TEX15: variants seen among roughly 807,000 people sequenced by gnomAD.
TEX15 encodes the protein testis-expressed protein 15.
TEX15 carries 171 observed loss-of-function variants against 237.3 expected under a neutral mutation model. The observed-to-expected ratio is 0.72, with a 90% CI of 0.64 to 0.82. The LOEUF (loss-of-function observed/expected upper bound fraction) is 0.82. Ranked by LOEUF, TEX15 falls within the 40% of genes least tolerant of loss-of-function variation. The pLI is 0.00. For missense variants in TEX15, 3,750 were observed against 3,646.5 expected (o/e 1.03, Z -0.73); for synonymous variants, 1,338 against 1,269.8 (o/e 1.05, Z -1.14).
intron 4 of TEX15, among the ~76,000 whole-genome samples, chr8:30,869,261 A>T (rs954980629): frequency 2.6e-5 from 4 of 152,058 alleles, no homozygotes; most frequent in Admixed American, 2.6e-4. Context: ...TTTCAGAAAC[A>T]ATAGGTAAAA....
At chr8:30,887,110 G>C in intron 3 of TEX15, 57 bp downstream of exon 3, 1 of 1,401,376 alleles carries the variant, frequency 7.1e-7, no homozygotes, top group South Asian at 1.4e-5. Context: ...CATAAACTAA[G>C]AATCAGAGAA....
chr8:30,887,164 T>C lies in TEX15; in HGVS notation c.136+3A>G, dbSNP rs1808668465. The C allele has an allele frequency of 6.6e-7, 1 of 1,526,388 alleles. No homozygotes were observed. Among genetic ancestry groups the C allele is most frequent in the Non-Finnish European group, 8.7e-7 (1 of 1,144,256 alleles). The allele number at this position is 1,526,388 out of a possible 1,614,324, so 94.6% of individuals were successfully genotyped here. A position where few individuals can be genotyped will look rare whatever the true frequency, so the allele number is the denominator to read the frequency against. Reference sequence around the variant, plus strand: ...AAAAAATTCCCAACCACAGAAATATTACCTTTCTCAGCTGTCCTCCTGATC... The same window carrying C: ...AAAAAATTCCCAACCACAGAAATATCACCTTTCTCAGCTGTCCTCCTGATC... On this transcript the variant is annotated splice_donor_region_variant and intron_variant, in intron 3 of 10. Coordinates refer to ENST00000643185, the MANE Select transcript of TEX15 (RefSeq NM_001350162.2).
intron 3 of TEX15, among the ~76,000 whole-genome samples, chr8:30,881,821 C>T (rs779908389): frequency 6.6e-6 from 1 of 151,962 alleles, no homozygotes; most frequent in South Asian, 2.1e-4. Context: ...AGGGGTTTCA[C>T]TGTGTTGCCC....
intron 6 of TEX15, 37 bp downstream of exon 6, chr8:30,859,874 T>C (rs549613604): frequency 3.7e-6 from 5 of 1,352,844 alleles, no homozygotes; most frequent in Non-Finnish European, 4.7e-6. Context: ...ATGTGAAACA[T>C]GTACTTTTCA....
intron 2 of TEX15, among the ~76,000 whole-genome samples, chr8:30,892,196 G>C (rs1274110023): frequency 6.6e-6 from 1 of 152,090 alleles, no homozygotes; most frequent in East Asian, 1.9e-4. Flanking sequence ...AAAAAATAAA[G>C]GTTTGAGTTT....
chr8:30,837,587 G>A lies in TEX15; in HGVS notation c.8697C>T (p.Phe2899=), dbSNP rs960369273. Residue 2899 remains phenylalanine (F), a synonymous_variant, in exon 10 of 11, where the codon TTC becomes TTT. Transcript: ENST00000643185. The part of the protein sequence containing the change: ...PDASVLSKPI[F]CFVKDVHPDL... ...CAGGATGGACATCTTTCACAAAACA[G>A]AAAATTGGCTTTGAGAGCACCGACG... is the stretch of plus-strand genomic sequence containing the variant. 1 of 1,613,962 alleles carries A rather than the reference G, an allele frequency of 6.2e-7. No individual in the cohort carries two copies.
rs750414097 is a variant in TEX15, at chr8:30,848,732, A to T, written c.1435T>A (p.Ser479Thr). 79 of 1,614,072 alleles carry T rather than the reference A, an allele frequency of 4.9e-5. No individual in the cohort carries two copies. The highest frequency in any genetic ancestry group is 6.3e-5 in the Non-Finnish European group (74 of 1,180,034). The change falls in exon 8 of 11, where the codon TCC becomes ACC. Residue 479 changes from serine (S) to threonine (T), a missense_variant. Ser to Thr is a moderately conservative substitution (Grantham distance 58, BLOSUM62 1). Coordinates refer to ENST00000643185, the MANE Select transcript of TEX15 (RefSeq NM_001350162.2). ...CAATCACCAGGGACAACTTCTGAGG[A>T]GGAGGCAGAATTAGATGGTGTCGAT... ...IKSTPSNSAS[S>T]SEVVPGDCAV...
At chr8:30,853,098 G>C (rs537046615) in intron 7 of TEX15, among the ~76,000 whole-genome samples, 1 of 152,152 alleles carries the variant, frequency 6.6e-6, no homozygotes, top group Non-Finnish European at 1.5e-5. Context: ...TAATCACCCT[G>C]AAAGGCATCA....
chr8:30,903,261 A>T (rs1380685029), intron 1 of TEX15, among the ~76,000 whole-genome samples: 1 of 152,230 alleles, frequency 6.6e-6, no homozygotes, highest in South Asian at 2.1e-4. Flanking sequence ...ATGAGAGCAG[A>T]CTTAAAAATA....
Position 30,847,893 on chromosome 8 carries a change from A to G in TEX15, c.2274T>C (p.Ala758=), listed in dbSNP as rs781373999. The G allele has an allele frequency of 2.5e-6, 4 of 1,613,772 alleles. No homozygotes were observed. The highest frequency in any genetic ancestry group is 3.4e-6 in the Non-Finnish European group (4 of 1,179,938). Residue 758 remains alanine, a synonymous_variant, in exon 8 of 11, where the codon GCT becomes GCC. Coordinates refer to ENST00000643185, the MANE Select transcript of TEX15 (RefSeq NM_001350162.2). The part of the protein sequence containing the change: ...LKLGKINQNY[A]SIITEAFPKP... ...TCGGGAAAGCTTCAGTTATAATGCT[A>G]GCATAATTTTGATTTATTTTCCCCA...
intron 7 of TEX15, among the ~76,000 whole-genome samples, chr8:30,854,432 C>T (rs1323951916): frequency 2.6e-5 from 4 of 151,828 alleles, no homozygotes; most frequent in Admixed American, 6.6e-5. Flanking sequence ...AAGTACTGAA[C>T]GTGATGCAAG....
chr8:30,908,725 C>A lies in TEX15; in HGVS notation c.-86+4154G>T, dbSNP rs760502434. Among the ~76,000 whole-genome samples, 3 of 152,218 alleles carry A rather than the reference C, an allele frequency of 2.0e-5. No individual in the cohort carries two copies. In the East Asian group the frequency reaches 5.8e-4, roughly 29 times the overall value. On this transcript the variant is annotated intron_variant, in intron 1 of 10. Coordinates refer to ENST00000643185, the MANE Select transcript of TEX15 (RefSeq NM_001350162.2). ...GTTCATAAAACTGAAATGTGTTCAT[C>A]TCTCGATATTACTGCTAACTTTGTT...
At chr8:30,882,192 A>T (rs1808539941) in intron 3 of TEX15, among the ~76,000 whole-genome samples, 1 of 152,256 alleles carries the variant, frequency 6.6e-6, no homozygotes, top group African/African-American at 2.4e-5. Context: ...CCTAGCCTCA[A>T]GCAAGCCCCT....
chr8:30,853,520 A>G (rs1563248933), intron 7 of TEX15, among the ~76,000 whole-genome samples: 1 of 152,212 alleles, frequency 6.6e-6, no homozygotes, highest in Non-Finnish European at 1.5e-5. Context: ...TATAACAACT[A>G]TTTACATAGC....
In TEX15 at chr8:30,847,063, T is replaced by C; in HGVS notation, c.3104A>G (p.Lys1035Arg). The change falls in exon 8 of 11, where the codon AAA becomes AGA. Residue 1035 changes from lysine (K) to arginine (R), a missense_variant. Physicochemically the swap from Lys to Arg is conservative, Grantham distance 26. Transcript: ENST00000643185. The part of the protein sequence containing the change: ...RVSDCEIDTD[K>R]NKSQESFHQS... ...ATGAAATGATTCTTGTGATTTATTT[T>C]TATCCGTATCAATTTCACAATCAGA... 1 of 1,613,064 alleles carries C rather than the reference T, an allele frequency of 6.2e-7. No homozygotes were observed. Among genetic ancestry groups the C allele is most frequent in the Non-Finnish European group, 8.5e-7 (1 of 1,179,498 alleles).
chr8:30,873,842 TG>T (rs1808346975), intron 4 of TEX15, among the ~76,000 whole-genome samples: 1 of 152,174 alleles, frequency 6.6e-6, no homozygotes, highest in East Asian at 1.9e-4. Context: ...TTTGTCTAAT[TG>T]GGCAAATAGC....
chr8:30,878,657 G>A (rs183863167), intron 3 of TEX15, among the ~76,000 whole-genome samples: 1 of 152,114 alleles, frequency 6.6e-6, no homozygotes, highest in Admixed American at 6.6e-5. Context: ...AAAGTGCTGG[G>A]AATACATGCG....
Position 30,847,118 on chromosome 8 carries a change from C to T in TEX15, c.3049G>A (p.Asp1017Asn), listed in dbSNP as rs1807637327. The change falls in exon 8 of 11, where the codon GAT (aspartate) becomes AAT (asparagine). Residue 1017 changes from aspartate (D) to asparagine (N), a missense_variant. Physicochemically the swap from Asp to Asn is conservative, Grantham distance 23. Coordinates refer to ENST00000643185, the MANE Select transcript of TEX15 (RefSeq NM_001350162.2). ...FKETCSSESP[D>N]FGLLVKHRVS... ...CTATGTTTTACTAACAAACCAAAAT[C>T]TGGACTTTCAGAAGAACAAGTTTCT... 6.2e-7 allele frequency: 1 copy of T among 1,613,548 alleles called. No individual in the cohort carries two copies. Among genetic ancestry groups the T allele is most frequent in the African/African-American group, 1.3e-5 (1 of 74,922 alleles).
At position 30,844,558 on chromosome 8, in the gene TEX15, G is replaced by A. The variant is rs751822179; in HGVS notation, c.5609C>T (p.Thr1870Ile). Residue 1870 changes from threonine (T) to isoleucine (I), a missense_variant, in exon 8 of 11, where the codon ACT becomes ATT. Thr to Ile is a moderately conservative substitution (Grantham distance 89). Coordinates refer to ENST00000643185, the MANE Select transcript of TEX15 (RefSeq NM_001350162.2). Reference protein sequence around the residue: ...RSMTEGSTVNTEYKNQKNQIS... With the variant: ...RSMTEGSTVNIEYKNQKNQIS... ...CTGATTCTTTTGATTTTTGTACTCA[G>A]TATTAACAGTTGATCCTTCAGTCAT... is the stretch of plus-strand genomic sequence containing the variant. The A allele has an allele frequency of 3.8e-5, 61 of 1,612,840 alleles. No homozygotes were observed. Among genetic ancestry groups the A allele is most frequent in the Admixed American group, 6.7e-5 (4 of 59,904 alleles).
Sources: allele counts gnomAD v4.1 joint callset (sites outside exome capture counted in the v4.1 genomes callset), GRCh38; gene constraint gnomAD v4.1.1; transcripts MANE v1.5; gene names NCBI Gene and HGNC (gene_info 2026-07-23, HGNC 2026-07-21).